TMEM268: variants seen among roughly 807,000 people sequenced by gnomAD.
TMEM268 encodes the protein transmembrane protein 268.
Under a neutral mutation model 39.1 loss-of-function variants are expected in TMEM268, and 24 were observed. That is an observed-to-expected ratio of 0.61 (90% CI 0.44 to 0.86). The LOEUF is 0.86. Ranked by LOEUF, TMEM268 falls within the 40% of genes least tolerant of loss-of-function variation. The pLI is 0.00. For missense variants in TMEM268, 409 were observed against 428.6 expected, an observed-to-expected ratio of 0.95 and a Z score of 0.40; for synonymous variants, 176 against 173.5, an observed-to-expected ratio of 1.01 and a Z score of -0.12.
chr9:114,620,404 C>T (rs903401365), intron 2 of TMEM268, among the ~76,000 whole-genome samples: 2 of 151,972 alleles, frequency 1.3e-5, no homozygotes, highest in Non-Finnish European at 2.9e-5. Flanking sequence ...GCCACCACGT[C>T]TGGCTAATTT....
At chr9:114,624,573 T>C in intron 3 of TMEM268, 114 bp downstream of exon 3, 12 of 1,445,740 alleles carry the variant, frequency 8.3e-6, no homozygotes, top group Non-Finnish European at 1.1e-5. Context: ...CCAGCTGTCG[T>C]AGGGTATATA....
At chr9:114,611,001 G>A (rs1845463381), upstream of TMEM268, among the ~76,000 whole-genome samples, 2 of 152,176 alleles carry the variant, frequency 1.3e-5, no homozygotes, top group Non-Finnish European at 2.9e-5. Flanking sequence ...CAAGAGGATC[G>A]CTTGAGGTCA....
rs1846661854 is a variant in TMEM268, at chr9:114,636,938, C to G, written c.586-52C>G. ...AGGACTGTCTCAGGGAGGAAGAGTT[C>G]AGGGTTGGGCTGCCCTTGAGCCACG... On this transcript the variant is annotated intron_variant, in intron 6 of 8. Transcript: ENST00000288502. The G allele has an allele frequency of 2.5e-6, 3 of 1,195,352 alleles. No individual in the cohort carries two copies. The South Asian group carries it at 3.7e-5, about 15-fold the overall frequency. 74.0% of individuals were successfully genotyped at this position (1,195,352 alleles called of 1,614,324 possible).
chr9:114,615,703 C>CT (rs1446214776), intron 1 of TMEM268: 7 of 151,752 alleles, frequency 4.6e-5, no homozygotes, highest in Admixed American at 3.3e-4. Context: ...CTACTTTTTT[C>CT]TTTTTTTTGA....
upstream of TMEM268, among the ~76,000 whole-genome samples, chr9:114,609,505 C>CAAAACAAAAACA (rs564027021): frequency 1.6e-3 from 244 of 151,234 alleles, 2 homozygotes; most frequent in African/African-American, 5.5e-3. Flanking sequence ...CCTGCATCTA[C>CAAAACAAAAACA]AAAACAAAAA....
At chr9:114,622,103 G>A in intron 2 of TMEM268, 3 of 985,390 alleles carry the variant, frequency 3.0e-6, no homozygotes, top group Non-Finnish European at 3.6e-6. Flanking sequence ...TGCCTAGTTG[G>A]CAGGGCTTGG....
chr9:114,611,368 C>T lies in TMEM268; in HGVS notation c.-275C>T, dbSNP rs1845474049. On this transcript the variant is annotated 5_prime_UTR_variant, in exon 1 of 9. Coordinates refer to ENST00000288502, the MANE Select transcript of TMEM268 (RefSeq NM_153045.4). ...CCTCTTGGCCCCAAAGCGAGTCCGG[C>T]GGGCGGCTCCTCGGGGTTGGGCGAC... is the stretch of plus-strand genomic sequence containing the variant. 6.6e-6 allele frequency: 1 copy of T among 152,060 alleles called. No homozygotes were observed. Among genetic ancestry groups the T allele is most frequent in the Non-Finnish European group, 1.5e-5 (1 of 67,898 alleles). 9.4% of individuals were successfully genotyped at this position (152,060 alleles called of 1,614,324 possible).
chr9:114,637,008 G>T lies in TMEM268; in HGVS notation c.604G>T (p.Asp202Tyr). 1.2e-6 allele frequency: 2 copies of T among 1,613,332 alleles called. No homozygotes were observed. Among genetic ancestry groups the T allele is most frequent in the Non-Finnish European group, 1.7e-6 (2 of 1,179,458 alleles). ...SVIQLWFVYF[D>Y]LENCVQFLSD... The stretch of plus-strand genomic sequence containing the variant: ...CCCACAGCTTTGGTTTGTCTACTTC[G>T]ACCTGGAGAACTGTGTGCAGTTTTT... Residue 202 changes from aspartate to tyrosine, a missense_variant, in exon 7 of 9, where the codon GAC becomes TAC. By Grantham distance (160) the Asp-to-Tyr change is radical. Transcript: ENST00000288502.
In TMEM268 at chr9:114,633,804, A is replaced by C. The variant is rs1172978757; in HGVS notation, c.511A>C (p.Asn171His). The C allele has an allele frequency of 1.2e-6, 2 of 1,604,632 alleles. No individual in the cohort carries two copies. Among genetic ancestry groups the C allele is most frequent in the Admixed American group, 1.7e-5 (1 of 58,460 alleles). The stretch of plus-strand genomic sequence containing the variant: ...CACGGACCTGAGGCTGGCAGCTGCC[A>C]ATGGAGCCCTCCTGAGACACCGGGT... The part of the protein sequence containing the change: ...TNTDLRLAAA[N>H]GALLRHRVLL... Residue 171 changes from asparagine (N) to histidine (H), a missense_variant, in exon 6 of 9, where the codon AAT becomes CAT. Asn to His is a moderately conservative substitution (Grantham distance 68). Coordinates refer to ENST00000288502, the MANE Select transcript of TMEM268 (RefSeq NM_153045.4).
At chr9:114,604,849 C>A in the TMEM268 span, among the ~76,000 whole-genome samples, 1 of 152,162 alleles carries the variant, frequency 6.6e-6, no homozygotes, top group South Asian at 2.1e-4. Context: ...AATCCCACTT[C>A]CATGGATGAG....
chr9:114,605,915 A>C, the TMEM268 span, among the ~76,000 whole-genome samples: 1 of 151,914 alleles, frequency 6.6e-6, no homozygotes, highest in African/African-American at 2.4e-5. Flanking sequence ...TGGGTAACAA[A>C]GTTGAGATCC....
chr9:114,607,916 A>C (rs10115585), upstream of TMEM268, among the ~76,000 whole-genome samples: 136,185 of 151,946 alleles, frequency 0.9, 61,358 homozygotes, highest in East Asian at 1. Flanking sequence ...ATAGGAGGAA[A>C]TGAGAGATGC....
intron 8 of TMEM268, among the ~76,000 whole-genome samples, chr9:114,640,746 GA>G (rs1287057319): frequency 6.6e-6 from 1 of 152,180 alleles, no homozygotes; most frequent in Non-Finnish European, 1.5e-5. Flanking sequence ...AGGATAACTT[GA>G]AACAAAAGCT....
At chr9:114,612,466 C>T (rs931374376) in intron 1 of TMEM268, among the ~76,000 whole-genome samples, 2 of 152,208 alleles carry the variant, frequency 1.3e-5, no homozygotes, top group African/African-American at 2.4e-5. Context: ...TCTGTGTTAT[C>T]CTCGGGCTGG....
intron 2 of TMEM268, among the ~76,000 whole-genome samples, chr9:114,621,506 C>G (rs1170100516): frequency 6.6e-6 from 1 of 152,132 alleles, no homozygotes; most frequent in Non-Finnish European, 1.5e-5. Context: ...AGATTTTATT[C>G]AAGTAATTTC....
intron 8 of TMEM268, among the ~76,000 whole-genome samples, chr9:114,641,637 A>C (rs34251356): frequency 0.3 from 45,451 of 151,990 alleles, 7,530 homozygotes; most frequent in South Asian, 0.44. Context: ...TAGTAAGATC[A>C]CATGTCTTTT....
the TMEM268 span, among the ~76,000 whole-genome samples, chr9:114,604,586 A>AG: frequency 4.5e-5 from 1 of 22,298 alleles, no homozygotes; most frequent in South Asian, 1.1e-3. Flanking sequence ...ACTCCGTCTC[A>AG]AAAAAAAAAA....
the TMEM268 span, among the ~76,000 whole-genome samples, chr9:114,604,415 T>C: frequency 6.6e-6 from 1 of 151,872 alleles, no homozygotes; most frequent in Non-Finnish European, 1.5e-5. Flanking sequence ...CTGTCTCTAC[T>C]GAAAATACAA....
rs995802509 is a variant in TMEM268, at chr9:114,643,556, C to A, written c.*243C>A. The stretch of plus-strand genomic sequence containing the variant: ...GAAGCTGATGGTTACAGAGCTAGTC[C>A]CACCAAAGCTACTCTCTCTGCTGCT... On this transcript the variant is annotated 3_prime_UTR_variant, in exon 9 of 9. Coordinates refer to ENST00000288502, the MANE Select transcript of TMEM268 (RefSeq NM_153045.4). 6.0e-6 allele frequency: 3 copies of A among 501,722 alleles called. No individual in the cohort carries two copies. Among genetic ancestry groups the A allele is most frequent in the Non-Finnish European group, 1.1e-5 (3 of 278,178 alleles). 31.1% of individuals were successfully genotyped at this position (501,722 alleles called of 1,614,324 possible). A position where few individuals can be genotyped will look rare whatever the true frequency, so the allele number is the denominator to read the frequency against.
Sources: allele counts gnomAD v4.1 joint callset (sites outside exome capture counted in the v4.1 genomes callset), GRCh38; gene constraint gnomAD v4.1.1; transcripts MANE v1.5; gene names NCBI Gene and HGNC (gene_info 2026-07-23, HGNC 2026-07-21).